The following MYOM1 variants were observed in gnomAD, a reference collection of about 807,000 sequenced individuals.
MYOM1 encodes the protein myomesin-1.
Under a neutral mutation model 205.3 loss-of-function variants are expected in MYOM1, and 164 were observed. That is an observed-to-expected ratio of 0.80 (90% CI 0.70 to 0.91). The LOEUF is 0.91. Ranked by LOEUF, MYOM1 falls within the 40% of genes least tolerant of loss-of-function variation. MYOM1 has a pLI of 0.00. For missense variants in MYOM1, 2,011 were observed against 2,127.3 expected (o/e 0.95, Z 1.08); for synonymous variants, 772 against 789.4 (o/e 0.98, Z 0.37).
intron 34 of MYOM1, among the ~76,000 whole-genome samples, chr18:3,078,044 AT>A (rs143642028): frequency 0.18 from 25,799 of 145,574 alleles, 2,223 homozygotes; most frequent in Non-Finnish European, 0.18. Flanking sequence ...TTGAGGTTGT[AT>A]TTTTTTTTTT....
chr18:3,215,325 T>C, intron 1 of MYOM1, 74 bp from the exon 2 acceptor site: 2 of 1,199,086 alleles, frequency 1.7e-6, no homozygotes, highest in East Asian at 2.6e-5. Flanking sequence ...TAAATCAATG[T>C]GTAAAAATCA....
chr18:3,075,449 C>T lies in MYOM1; in HGVS notation c.4708+5G>A. 1 of 1,611,224 alleles carries T rather than the reference C, an allele frequency of 6.2e-7. No homozygotes were observed. The highest frequency in any genetic ancestry group is 8.5e-7 in the Non-Finnish European group (1 of 1,177,830). Reference sequence around the variant, plus strand: ...TTGTGAAAAGTAAAAAAAAAGTTTACTTACTTTTCTCGGCAATGGCAGCTT... The same window carrying T: ...TTGTGAAAAGTAAAAAAAAAGTTTATTTACTTTTCTCGGCAATGGCAGCTT... On this transcript the variant is annotated splice_donor_5th_base_variant and intron_variant, in intron 36 of 37. Transcript: ENST00000356443.
Position 3,129,295 on chromosome 18 carries a change from G to A in MYOM1, c.2731C>T (p.Pro911Ser), listed in dbSNP as rs960241033. 6.2e-7 allele frequency: 1 copy of A among 1,613,984 alleles called. No individual in the cohort carries two copies. The highest frequency in any genetic ancestry group is 1.7e-5 in the Admixed American group (1 of 60,006). ...TTCCCCTGAGGAGCCGCTTTCTGTGGTGGCGGGGTAAGCTCTTCCTGAACT... is the reference window on the plus strand; with the variant it reads ...TTCCCCTGAGGAGCCGCTTTCTGTGATGGCGGGGTAAGCTCTTCCTGAACT... ...ETVQEELTPP[P>S]QKAAPQGKSK... Residue 911 changes from proline to serine, a missense_variant, in exon 18 of 38, where the codon CCA becomes TCA. By Grantham distance (74) the Pro-to-Ser change is moderately conservative. Coordinates refer to ENST00000356443, the MANE Select transcript of MYOM1 (RefSeq NM_003803.4).
intron 10 of MYOM1, among the ~76,000 whole-genome samples, chr18:3,158,270 C>A (rs1033971379): frequency 6.6e-6 from 1 of 152,136 alleles, no homozygotes; most frequent in Non-Finnish European, 1.5e-5. Context: ...CATATCAATA[C>A]ATGTGGGTAG....
the MYOM1 span, among the ~76,000 whole-genome samples, chr18:3,229,408 G>A: frequency 6.6e-6 from 1 of 151,826 alleles, no homozygotes; most frequent in Non-Finnish European, 1.5e-5. Flanking sequence ...AACCTCTTAG[G>A]TCTCTTTCAG....
Position 3,135,732 on chromosome 18 carries a change from T to C in MYOM1, c.2026-2A>G. 10 of 1,613,678 alleles carry C rather than the reference T, an allele frequency of 6.2e-6. No individual in the cohort carries two copies. Among genetic ancestry groups the C allele is most frequent in the Non-Finnish European group, 8.5e-6 (10 of 1,179,774 alleles). On this transcript the variant is annotated splice_acceptor_variant, in intron 14 of 37. Transcript: ENST00000356443. LOFTEE classifies it high-confidence loss of function. This position sits in a 1 kb window ranked among gnomAD's most constrained non-coding sequence, Gnocchi z 4.1. The stretch of plus-strand genomic sequence containing the variant: ...CCAGTTTTCTGTTCCTGCCTCACAC[T>C]GCAGCAAGAACAGGGAAACCCATTG...
At chr18:3,239,834 G>C in the MYOM1 span, among the ~76,000 whole-genome samples, 5 of 150,818 alleles carry the variant, frequency 3.3e-5, no homozygotes, top group African/African-American at 1.2e-4. Context: ...TGTGGGCATC[G>C]AGGGCCCACT....
At chr18:3,070,037 C>T (rs951652196) in intron 37 of MYOM1, among the ~76,000 whole-genome samples, 4 of 152,150 alleles carry the variant, frequency 2.6e-5, no homozygotes, top group Non-Finnish European at 4.4e-5. Flanking sequence ...CTTTGTTACC[C>T]GAATTCCAGT....
rs768494329 is a variant in MYOM1, at chr18:3,131,365, A to T, written c.2506+10T>A. ...TTTTTCCCCCATACAGTTATGCATA[A>T]GGAACTTACCAATAGCAGCTTTGAC... On this transcript the variant is annotated intron_variant, in intron 17 of 37. Coordinates refer to ENST00000356443, the MANE Select transcript of MYOM1 (RefSeq NM_003803.4). 1 of 1,613,706 alleles carries T rather than the reference A, an allele frequency of 6.2e-7. No individual in the cohort carries two copies. The highest frequency in any genetic ancestry group is 1.3e-5 in the African/African-American group (1 of 74,946).
chr18:3,202,491 T>C (rs1331170667), intron 2 of MYOM1, among the ~76,000 whole-genome samples: 6 of 152,112 alleles, frequency 3.9e-5, no homozygotes, highest in Admixed American at 1.3e-4. Flanking sequence ...GGATAAAAAA[T>C]ATATACCATG....
the MYOM1 span, among the ~76,000 whole-genome samples, chr18:3,231,830 C>T: frequency 1.4e-5 from 2 of 146,848 alleles, no homozygotes; most frequent in African/African-American, 5.0e-5. Flanking sequence ...GCATGAGCCA[C>T]TGCGCCCAGC....
intron 36 of MYOM1, among the ~76,000 whole-genome samples, chr18:3,073,755 G>A (rs2078988549): frequency 6.6e-6 from 1 of 152,228 alleles, no homozygotes; most frequent in African/African-American, 2.4e-5. Flanking sequence ...GGAATGGGGG[G>A]ATCCACCAGG....
rs1056886583 is a variant in MYOM1, at chr18:3,168,700, C to T, written c.1339+117G>A. On this transcript the variant is annotated intron_variant, in intron 9 of 37. Coordinates refer to ENST00000356443, the MANE Select transcript of MYOM1 (RefSeq NM_003803.4). ...GCTACACATGTGAAAACCTTTTAAT[C>T]GTGTAAAGGTAGTCCCTTCTAACTT... 25 of 959,990 alleles carry T rather than the reference C, an allele frequency of 2.6e-5. 1 individual carries two copies. The highest frequency in any genetic ancestry group is 5.5e-5 in the South Asian group (3 of 54,370). The allele number at this position is 959,990 out of a possible 1,614,324, so 59.5% of individuals were successfully genotyped here.
At position 3,067,669 on chromosome 18, in the gene MYOM1, C is replaced by T. The variant is rs2078913099; in HGVS notation, c.4765-114G>A. ...GACCAAAGGGAGGATAAGTAAAAGC[C>T]TCCCGGACCAGGGTTTAAAGTAGTT... On this transcript the variant is annotated intron_variant, in intron 37 of 37. Transcript: ENST00000356443. 2.6e-6 allele frequency: 3 copies of T among 1,134,914 alleles called. No individual in the cohort carries two copies. In the East Asian group the frequency reaches 7.5e-5, roughly 28 times the overall value. 70.3% of individuals were successfully genotyped at this position (1,134,914 alleles called of 1,614,324 possible). A position where few individuals can be genotyped will look rare whatever the true frequency, so the allele number is the denominator to read the frequency against.
At chr18:3,126,225 C>T (rs1312625143) in intron 19 of MYOM1, among the ~76,000 whole-genome samples, 1 of 149,926 alleles carries the variant, frequency 6.7e-6, no homozygotes, top group Non-Finnish European at 1.5e-5. Flanking sequence ...AGATCACACT[C>T]CTGCATTCCA....
At chr18:3,082,783 C>T (rs1377787080) in intron 33 of MYOM1, among the ~76,000 whole-genome samples, 1 of 152,084 alleles carries the variant, frequency 6.6e-6, no homozygotes, top group Non-Finnish European at 1.5e-5. Context: ...TCTTGGAATC[C>T]CAGAAGTGAA....
At position 3,202,431 on chromosome 18, in the gene MYOM1, G is replaced by A. The variant is rs143690508; in HGVS notation, c.291-8473C>T. Among the ~76,000 whole-genome samples the A allele has an allele frequency of 3.6e-3, 546 of 152,012 alleles. 5 individuals are homozygous for A. Among genetic ancestry groups the A allele is most frequent in the African/African-American group, 0.012 (508 of 41,414 alleles). ...ACAGATTCAACTAATCCACTTATATGCTGCCACAAGAGGCACACCCTAAAT... is the reference window on the plus strand; with the variant it reads ...ACAGATTCAACTAATCCACTTATATACTGCCACAAGAGGCACACCCTAAAT... On this transcript the variant is annotated intron_variant, in intron 2 of 37. Transcript: ENST00000356443.
chr18:3,102,159 A>G (rs1358370117), intron 23 of MYOM1, among the ~76,000 whole-genome samples: 4 of 149,610 alleles, frequency 2.7e-5, no homozygotes, highest in African/African-American at 7.4e-5. Flanking sequence ...CCACCACCAC[A>G]CCCGGCTAAT....
intron 37 of MYOM1, among the ~76,000 whole-genome samples, 177 bp from the exon 38 acceptor site, chr18:3,067,732 CAT>C (rs2078914136): frequency 6.6e-6 from 1 of 152,212 alleles, no homozygotes. Flanking sequence ...TTTGAAATAA[CAT>C]GTGAGGGGAT....
Sources: allele counts gnomAD v4.1 joint callset (sites outside exome capture counted in the v4.1 genomes callset), GRCh38; gene constraint gnomAD v4.1.1; non-coding constraint Gnocchi (gnomAD v3.1); transcripts MANE v1.5; gene names NCBI Gene and HGNC (gene_info 2026-07-23, HGNC 2026-07-21).